The following SLC17A3 variants were observed in gnomAD, a reference collection of about 807,000 sequenced individuals.
SLC17A3 encodes the protein sodium-dependent phosphate transport protein 4.
In SLC17A3, 61 loss-of-function variants were observed where a neutral mutation model predicts 60.3. That is an observed-to-expected ratio of 1.01 (90% CI 0.82 to 1.25). SLC17A3 has a LOEUF of 1.25. SLC17A3 is among the 50% of genes most tolerant of loss of function. The pLI is 0.00. For missense variants in SLC17A3, 624 were observed against 594.9 expected (o/e 1.05, Z -0.51); for synonymous variants, 192 against 208.9 (o/e 0.92, Z 0.70).
rs762186639 is a variant in SLC17A3, at chr6:25,861,697, C to T, written c.552G>A (p.Gly184=). 1 of 1,613,838 alleles carries T rather than the reference C, an allele frequency of 6.2e-7. No homozygotes were observed. The highest frequency in any genetic ancestry group is 1.3e-5 in the African/African-American group (1 of 74,898). ...ACTTTTCCCAAATTGCAAACTGACCCCCAAGTATTGAGGACTGAAATTAAA... is the reference window on the plus strand; with the variant it reads ...ACTTTTCCCAAATTGCAAACTGACCTCCAAGTATTGAGGACTGAAATTAAA... ...VQGLSQSSIL[G]GQFAIWEKWG... Residue 184 remains glycine, a synonymous_variant, in exon 5 of 13, where the codon GGG becomes GGA. Coordinates refer to ENST00000397060, the MANE Select transcript of SLC17A3 (RefSeq NM_001098486.2).
In SLC17A3 at chr6:25,849,798, G is replaced by GTCC. The variant is rs1252538131; in HGVS notation, c.1271+4_1271+6dup. ...TGTGAAACTGATAGTGGAGATCAGA[G>GTCC]TCCTACCTTGGAGCAATATCTAAGA... On this transcript the variant is annotated splice_region_variant and intron_variant, in intron 10 of 12. Coordinates refer to ENST00000397060, the MANE Select transcript of SLC17A3 (RefSeq NM_001098486.2). 1.2e-6 allele frequency: 2 copies of GTCC among 1,613,052 alleles called. No individual in the cohort carries two copies. The highest frequency in any genetic ancestry group is 2.7e-5 in the African/African-American group (2 of 74,872).
At chr6:25,849,706 C>G (rs986073353) in intron 10 of SLC17A3, 99 bp downstream of exon 10, 5 of 1,386,552 alleles carry the variant, frequency 3.6e-6, no homozygotes, top group Non-Finnish European at 3.1e-6. Context: ...GGTTCTTCCC[C>G]TATGGTTTAT....
intron 10 of SLC17A3, 42 bp downstream of exon 10, chr6:25,849,763 T>G: frequency 6.2e-7 from 1 of 1,603,932 alleles, no homozygotes; most frequent in South Asian, 1.1e-5. Context: ...GCTAAATCTT[T>G]TAAAGAAAAT....
intron 5 of SLC17A3, among the ~76,000 whole-genome samples, chr6:25,858,199 AAACAC>A (rs145294790): frequency 0.24 from 36,413 of 151,780 alleles, 4,480 homozygotes; most frequent in African/African-American, 0.29. Context: ...AAACAAAACA[AAACAC>A]ACCCTTCAGA....
chr6:25,853,035 C>T (rs921590245), intron 6 of SLC17A3, among the ~76,000 whole-genome samples: 6 of 152,044 alleles, frequency 3.9e-5, no homozygotes, highest in African/African-American at 1.5e-4. Context: ...AGCAGTACTC[C>T]CTGTAAGACT....
chr6:25,855,817 TA>T (rs2151521856), intron 5 of SLC17A3, among the ~76,000 whole-genome samples: 2 of 152,364 alleles, frequency 1.3e-5, no homozygotes, highest in South Asian at 4.1e-4. Flanking sequence ...CAATCATTTC[TA>T]GATGATTGTG....
chr6:25,870,520 G>A (rs1404290466), intron 1 of SLC17A3, among the ~76,000 whole-genome samples: 1 of 151,952 alleles, frequency 6.6e-6, no homozygotes, highest in Non-Finnish European at 1.5e-5. Flanking sequence ...TAAAATGCCA[G>A]GTTTCCATTC....
At chr6:25,864,454 G>A (rs62394295) in intron 2 of SLC17A3, among the ~76,000 whole-genome samples, 13,601 of 152,006 alleles carry the variant, frequency 0.089, 772 homozygotes, top group Non-Finnish European at 0.12. Flanking sequence ...TTGGATTAGG[G>A]TCATGGCAGT....
chr6:25,850,152 A>AAAGG lies in SLC17A3; in HGVS notation c.1015_1018dup (p.Phe340SerfsTer25), dbSNP rs781477804. On this transcript the variant is annotated frameshift_variant, in exon 9 of 13. Transcript: ENST00000397060. LOFTEE classifies it high-confidence loss of function. ...CATGCCTATGACCCAGGCAACAATA[A>AAAGG]AAGGAAGGGCAGATAGAAGTCCATT... 6.2e-7 allele frequency: 1 copy of AAAGG among 1,613,784 alleles called. No homozygotes were observed. Among genetic ancestry groups the AAAGG allele is most frequent in the South Asian group, 1.1e-5 (1 of 91,072 alleles).
Position 25,862,233 on chromosome 6 carries a change from C to G in SLC17A3, c.303G>C (p.Lys101Asn). 2 of 1,610,484 alleles carry G rather than the reference C, an allele frequency of 1.2e-6. No homozygotes were observed. The highest frequency in any genetic ancestry group is 1.1e-5 in the South Asian group (1 of 90,990). The change falls in exon 3 of 13, where the codon AAG becomes AAC. Residue 101 changes from lysine (K) to asparagine (N), a missense_variant and splice_region_variant. Lys to Asn is a moderately conservative substitution (Grantham distance 94). Coordinates refer to ENST00000397060, the MANE Select transcript of SLC17A3 (RefSeq NM_001098486.2). The stretch of plus-strand genomic sequence containing the variant: ...CAAATTTATATCTTATGTTGCTTAC[C>G]TTTGCAGGAAGACTCTTTGGGGCTT... ...LSKAPKSLPA[K>N]APVYDWSPQI...
chr6:25,868,348 T>C lies in SLC17A3; in HGVS notation c.40A>G (p.Ser14Gly), dbSNP rs1479221747. Residue 14 changes from serine (S) to glycine (G), a missense_variant, in exon 2 of 13, where the codon AGC becomes GGC. Physicochemically the swap from Ser to Gly is moderately conservative, Grantham distance 56. Coordinates refer to ENST00000397060, the MANE Select transcript of SLC17A3 (RefSeq NM_001098486.2). The part of the protein sequence containing the change: ...KTELSPTARE[S>G]KNAQDMQVDE... ...ACTTGCATATCTTGTGCGTTCTTGC[T>C]CTCCCTTGCTGTGGGACTCAACTCT... The C allele has an allele frequency of 6.2e-7, 1 of 1,612,216 alleles. No homozygotes were observed. The highest frequency in any genetic ancestry group is 1.7e-5 in the Admixed American group (1 of 59,792).
intron 6 of SLC17A3, among the ~76,000 whole-genome samples, chr6:25,851,124 T>G (rs1189976814): frequency 5.3e-5 from 8 of 152,098 alleles, no homozygotes; most frequent in Non-Finnish European, 7.4e-5. Context: ...TTCTGATAGG[T>G]GTGTGGAGAT....
chr6:25,851,669 C>T (rs983787999), intron 6 of SLC17A3, among the ~76,000 whole-genome samples: 1 of 151,984 alleles, frequency 6.6e-6, no homozygotes, highest in Non-Finnish European at 1.5e-5. Flanking sequence ...TCTATTGAAC[C>T]TTTCTCAAAT....
intron 11 of SLC17A3, among the ~76,000 whole-genome samples, chr6:25,847,001 G>T (rs959580818): frequency 3.3e-5 from 5 of 152,058 alleles, no homozygotes; most frequent in Admixed American, 6.6e-5. Context: ...GGAGTTTGTT[G>T]TACAGATATT....
intron 5 of SLC17A3, among the ~76,000 whole-genome samples, chr6:25,857,324 ATCTTTGTT>A (rs1765373705): frequency 1.3e-5 from 2 of 151,358 alleles, no homozygotes; most frequent in Non-Finnish European, 2.9e-5. Flanking sequence ...TAATCTTTTT[ATCTTTGTT>A]TCTTTTGCTT....
rs1561858594 is a variant in SLC17A3 at position 25,862,356 on chromosome 6, G to A, written c.180C>T (p.Asn60=). The change falls in exon 3 of 13, where the codon AAC becomes AAT. Residue 60 remains asparagine (N), a synonymous_variant. Coordinates refer to ENST00000397060, the MANE Select transcript of SLC17A3 (RefSeq NM_001098486.2). ...TGTTGACCATGGCTACCATGGTGAT[G>A]TTCATGATGACATTTTGTGCTATCG... ...FTTIAQNVIM[N]ITMVAMVNST... 1 of 1,613,408 alleles carries A rather than the reference G, an allele frequency of 6.2e-7. No homozygotes were observed. Among genetic ancestry groups the A allele is most frequent in the South Asian group, 1.1e-5 (1 of 91,070 alleles).
At chr6:25,861,473 C>T (rs77220283) in intron 5 of SLC17A3, 151 bp downstream of exon 5, 9,466 of 715,420 alleles carry the variant, frequency 0.013, 376 homozygotes, top group African/African-American at 0.11. Flanking sequence ...AACTGAAAGT[C>T]ATGTCATAGA....
intron 5 of SLC17A3, among the ~76,000 whole-genome samples, chr6:25,857,826 A>G (rs890462348): frequency 1.3e-5 from 2 of 152,168 alleles, no homozygotes; most frequent in South Asian, 2.1e-4. Flanking sequence ...TGCTTTGACT[A>G]TAATGGGGGA....
chr6:25,864,972 G>A (rs1355447765), intron 2 of SLC17A3, among the ~76,000 whole-genome samples: 1 of 151,884 alleles, frequency 6.6e-6, no homozygotes, highest in Non-Finnish European at 1.5e-5. Flanking sequence ...AGGAGAGTGC[G>A]GTGTCCTGGA....
Sources: gnomAD v4.1 joint callset for allele counts (sites outside exome capture counted in the v4.1 genomes callset) on GRCh38, gnomAD v4.1.1 for gene constraint, MANE v1.5 for transcripts, NCBI Gene and HGNC (gene_info 2026-07-23, HGNC 2026-07-21) for gene names.